Variants in DNM3 observed in about 807,000 individuals in gnomAD.
DNM3 encodes dynamin-3.
In DNM3, 47 loss-of-function variants were observed where a neutral mutation model predicts 101.6. That is an observed-to-expected ratio of 0.46 (90% CI 0.37 to 0.59). The LOEUF is 0.59. Ranked by LOEUF, DNM3 falls within the 20% of genes least tolerant of loss-of-function variation. DNM3 has a pLI of 0.00. For synonymous variants in DNM3, 385 were observed against 387.9 expected, an observed-to-expected ratio of 0.99 and a Z score of 0.09; for missense variants, 849 against 1,085.7, an observed-to-expected ratio of 0.78 and a Z score of 3.06.
chr1:172,140,543 A>G (rs151151333), intron 14 of DNM3: 9 of 152,142 alleles, frequency 5.9e-5, no homozygotes, highest in South Asian at 2.1e-4. Context: ...TCTCTCTCCC[A>G]TAAATAATTT....
chr1:172,189,962 T>A (rs1021154755), intron 14 of DNM3, among the ~76,000 whole-genome samples: 1 of 151,110 alleles, frequency 6.6e-6, no homozygotes, highest in African/African-American at 2.4e-5. Flanking sequence ...ATCACCATAA[T>A]CAAATGACCT....
At chr1:172,268,886 A>C (rs2148739326) in intron 15 of DNM3, among the ~76,000 whole-genome samples, 1 of 152,278 alleles carries the variant, frequency 6.6e-6, no homozygotes, top group Non-Finnish European at 1.5e-5. Context: ...CAACGTTTTT[A>C]AATGTCATTA....
chr1:172,195,314 A>G (rs2059907444), intron 14 of DNM3, among the ~76,000 whole-genome samples: 1 of 151,932 alleles, frequency 6.6e-6, no homozygotes, highest in Admixed American at 6.6e-5. Flanking sequence ...TTAGTTCTCA[A>G]AGACTTTGGG....
intron 1 of DNM3, among the ~76,000 whole-genome samples, chr1:171,877,626 A>G (rs888772568): frequency 6.6e-6 from 1 of 152,244 alleles, no homozygotes; most frequent in Non-Finnish European, 1.5e-5. Flanking sequence ...TAGGTAATCT[A>G]TAAACTAAAT....
chr1:172,115,350 T>A (rs2147975767), intron 13 of DNM3, among the ~76,000 whole-genome samples: 1 of 152,254 alleles, frequency 6.6e-6, no homozygotes, highest in Middle Eastern at 3.4e-3. Context: ...AGCTCCATCA[T>A]CTCTCACCTG....
In DNM3 at chr1:172,181,810, T is replaced by G. The variant is rs534604156; in HGVS notation, c.1659+50522T>G. On this transcript the variant is annotated intron_variant, in intron 14 of 20. Coordinates refer to ENST00000627582, the MANE Select transcript of DNM3 (RefSeq NM_015569.5). ...ATCCTGTCTGAAGACAGGGTTTTTTTTTTTTTTTTTGAAAATAAACTGGGG... is the reference window on the plus strand; with the variant it reads ...ATCCTGTCTGAAGACAGGGTTTTTTGTTTTTTTTTTGAAAATAAACTGGGG... Among the ~76,000 whole-genome samples the G allele has an allele frequency of 1.1e-3, 171 of 152,070 alleles. 4 individuals are homozygous for G. The East Asian group carries it at 0.022, about 19-fold the overall frequency.
chr1:171,901,112 C>CAAAAAAAA (rs1243053508), intron 1 of DNM3, among the ~76,000 whole-genome samples: 723 of 66,640 alleles, frequency 0.011, 107 homozygotes, highest in African/African-American at 0.037. Context: ...GACTCTGTCT[C>CAAAAAAAA]AAAAAAAAAA....
intron 1 of DNM3, among the ~76,000 whole-genome samples, chr1:171,874,582 T>G (rs539319120): frequency 6.6e-6 from 1 of 152,208 alleles, no homozygotes; most frequent in Non-Finnish European, 1.5e-5. Context: ...GTTCATTACA[T>G]GGCAAATGCA....
chr1:172,136,729 A>C (rs148100477), intron 14 of DNM3: 1 of 152,228 alleles, frequency 6.6e-6, no homozygotes, highest in East Asian at 1.9e-4. Context: ...TCCTATTCCA[A>C]ATTTATTAAA....
Position 171,883,363 on chromosome 1 carries a change from CCACACACACACACACA to C in DNM3, c.162-38349_162-38334del, listed in dbSNP as rs71107337. On this transcript the variant is annotated intron_variant, in intron 1 of 20. Transcript: ENST00000627582. The stretch of plus-strand genomic sequence containing the variant: ...CCATCTCTAAAAAAACAAAAAAGGA[CCACACACACACACACA>C]CACACACACACACACACACACACAC... Among the ~76,000 whole-genome samples the C allele has an allele frequency of 2.2e-3, 262 of 119,992 alleles. 2 individuals carry two copies. The highest frequency in any genetic ancestry group is 7.8e-3 in the South Asian group (28 of 3,602). 78.7% of individuals were successfully genotyped at this position (119,992 alleles called of 152,430 possible).
intron 12 of DNM3, among the ~76,000 whole-genome samples, chr1:172,084,555 G>GA (rs1167929019): frequency 8.6e-5 from 13 of 151,976 alleles, no homozygotes; most frequent in African/African-American, 2.9e-4. Flanking sequence ...TGAAGATGAA[G>GA]AAATGTTCAT....
intron 13 of DNM3, among the ~76,000 whole-genome samples, chr1:172,119,808 T>C (rs959643594): frequency 3.3e-5 from 5 of 152,160 alleles, no homozygotes; most frequent in African/African-American, 1.2e-4. Flanking sequence ...CAACAGTCTG[T>C]TTAGTTTCTT....
intron 14 of DNM3, among the ~76,000 whole-genome samples, chr1:172,221,131 CA>C (rs1441338257): frequency 1.3e-5 from 2 of 151,764 alleles, no homozygotes; most frequent in Non-Finnish European, 2.9e-5. Context: ...ACGCAGTATT[CA>C]AAGAAAAAGA....
chr1:171,960,361 GC>G (rs2043139232), intron 2 of DNM3, among the ~76,000 whole-genome samples: 1 of 152,130 alleles, frequency 6.6e-6, no homozygotes, highest in Admixed American at 6.6e-5. Context: ...ACCCCATTTG[GC>G]ATACTTTGTT....
At chr1:172,241,268 C>CTGTGT (rs2061740370) in intron 14 of DNM3, among the ~76,000 whole-genome samples, 1 of 72,670 alleles carries the variant, frequency 1.4e-5, no homozygotes, top group African/African-American at 4.6e-5. Flanking sequence ...TGTGTGTGCA[C>CTGTGT]GTGTGTATTT....
At chr1:171,883,939 C>A (rs1238554418) in intron 1 of DNM3, among the ~76,000 whole-genome samples, 2 of 152,176 alleles carry the variant, frequency 1.3e-5, no homozygotes. Context: ...TTTGCTTTCC[C>A]ATAATGTATC....
At chr1:172,370,825 T>G (rs2068283351) in intron 17 of DNM3, among the ~76,000 whole-genome samples, 1 of 152,022 alleles carries the variant, frequency 6.6e-6, no homozygotes, top group South Asian at 2.1e-4. Flanking sequence ...GAGGATCTAC[T>G]GAGATGGTAT....
intron 14 of DNM3, among the ~76,000 whole-genome samples, chr1:172,203,745 T>C (rs1315099779): frequency 6.6e-6 from 1 of 152,192 alleles, no homozygotes; most frequent in Non-Finnish European, 1.5e-5. Context: ...TATTAAATAG[T>C]GTGTTCTATA....
intron 20 of DNM3, among the ~76,000 whole-genome samples, chr1:172,396,988 A>G (rs1470899345): frequency 2.0e-5 from 3 of 152,152 alleles, no homozygotes; most frequent in Non-Finnish European, 2.9e-5. Context: ...TTAAGTTTAT[A>G]TTAGCATTAT....
Sources: gnomAD v4.1 joint callset for allele counts (sites outside exome capture counted in the v4.1 genomes callset) on GRCh38, gnomAD v4.1.1 for gene constraint, MANE v1.5 for transcripts, NCBI Gene and HGNC (gene_info 2026-07-23, HGNC 2026-07-21) for gene names.